ATRNL1: variants seen among roughly 807,000 people sequenced by gnomAD.
ATRNL1 encodes the protein attractin-like protein 1.
Under a neutral mutation model 182.7 loss-of-function variants are expected in ATRNL1, and 95 were observed. That is an observed-to-expected ratio of 0.52 (90% confidence interval 0.44 to 0.62). The LOEUF is 0.62. Ranked by LOEUF, ATRNL1 falls within the 20% of genes least tolerant of loss-of-function variation. The pLI is 0.00. For missense variants in ATRNL1, 1,471 were observed against 1,679.5 expected (o/e 0.88, Z 2.17); for synonymous variants, 576 against 568.3 (o/e 1.01, Z -0.19).
intron 27 of ATRNL1, among the ~76,000 whole-genome samples, chr10:115,728,472 T>A (rs1221453646): frequency 3.9e-5 from 6 of 152,074 alleles, no homozygotes; most frequent in African/African-American, 1.4e-4. Context: ...AATTGAAACA[T>A]TTTATTCTCT....
At chr10:115,823,749 G>A (rs923709135) in intron 27 of ATRNL1, among the ~76,000 whole-genome samples, 1 of 151,996 alleles carries the variant, frequency 6.6e-6, no homozygotes, top group Non-Finnish European at 1.5e-5. Flanking sequence ...CAAGGAGAAC[G>A]ACAAACCACT....
At chr10:115,126,224 A>AT (rs1204324750) in intron 3 of ATRNL1, among the ~76,000 whole-genome samples, 3 of 151,954 alleles carry the variant, frequency 2.0e-5, no homozygotes, top group Non-Finnish European at 2.9e-5. Context: ...TGCCCACCTG[A>AT]TTTTTTTGTA....
chr10:115,407,433 A>G (rs555267444), intron 20 of ATRNL1, among the ~76,000 whole-genome samples: 61 of 151,830 alleles, frequency 4.0e-4, no homozygotes, highest in African/African-American at 1.4e-3. Flanking sequence ...TTTTACTTCT[A>G]TGAGATCAAC....
intron 10 of ATRNL1, among the ~76,000 whole-genome samples, chr10:115,246,456 C>T (rs571615539): frequency 6.6e-6 from 1 of 152,090 alleles, no homozygotes; most frequent in Non-Finnish European, 1.5e-5. Flanking sequence ...TTCACTCTAC[C>T]TGTCCCCCTC....
intron 28 of ATRNL1, among the ~76,000 whole-genome samples, chr10:115,894,201 A>G (rs566292661): frequency 1.3e-5 from 2 of 152,278 alleles, no homozygotes; most frequent in South Asian, 2.1e-4. Context: ...ACTGTCCACA[A>G]AGTGGTTGGA....
In ATRNL1 at chr10:115,236,972, A is replaced by G. The variant is rs184131071; in HGVS notation, c.1533-4599A>G. ...CTGTCTCCATACTTTTGCCTTTTCTAGAATGTCATAAAGCTGGAATCATGT... is the reference window on the plus strand; with the variant it reads ...CTGTCTCCATACTTTTGCCTTTTCTGGAATGTCATAAAGCTGGAATCATGT... On this transcript the variant is annotated intron_variant, in intron 9 of 28. Coordinates refer to ENST00000355044, the MANE Select transcript of ATRNL1 (RefSeq NM_207303.4). 3.5e-3 allele frequency among the ~76,000 whole-genome samples: 532 copies of G among 152,294 alleles called. 1 individual carries two copies. Among genetic ancestry groups the G allele is most frequent in the Non-Finnish European group, 5.7e-3 (389 of 68,012 alleles).
intron 24 of ATRNL1, among the ~76,000 whole-genome samples, chr10:115,491,434 G>GA (rs1327793636): frequency 1.3e-5 from 2 of 151,030 alleles, no homozygotes; most frequent in Admixed American, 1.3e-4. Flanking sequence ...TTTTTTCAGA[G>GA]ATGTCCTGCA....
At chr10:115,619,935 A>G (rs1244632821) in intron 26 of ATRNL1, among the ~76,000 whole-genome samples, 1 of 152,324 alleles carries the variant, frequency 6.6e-6, no homozygotes, top group Admixed American at 6.5e-5. Context: ...GGTTAAATGT[A>G]TTGGTATTTT....
At chr10:115,574,327 T>C (rs1472796845) in intron 26 of ATRNL1, among the ~76,000 whole-genome samples, 3 of 142,408 alleles carry the variant, frequency 2.1e-5, no homozygotes, top group Non-Finnish European at 4.6e-5. Context: ...AGTAGTTTTG[T>C]ATATATAAAA....
intron 24 of ATRNL1, among the ~76,000 whole-genome samples, chr10:115,516,851 G>T (rs1850665160): frequency 6.6e-6 from 1 of 151,752 alleles, no homozygotes; most frequent in Non-Finnish European, 1.5e-5. Context: ...GAGGCCAGCA[G>T]CTCTAACCAC....
intron 27 of ATRNL1, among the ~76,000 whole-genome samples, chr10:115,814,997 A>C (rs1950128373): frequency 6.6e-6 from 1 of 152,194 alleles, no homozygotes; most frequent in South Asian, 2.1e-4. Context: ...AGTTTCAGGT[A>C]ACATACCTGA....
chr10:115,666,987 C>T (rs1411503127), intron 26 of ATRNL1, among the ~76,000 whole-genome samples: 2 of 152,154 alleles, frequency 1.3e-5, no homozygotes, highest in African/African-American at 4.8e-5. Flanking sequence ...ATCTCAAATA[C>T]ATGCAGTTTA....
intron 24 of ATRNL1, among the ~76,000 whole-genome samples, chr10:115,498,762 T>A (rs2133621370): frequency 6.6e-6 from 1 of 152,008 alleles, no homozygotes; most frequent in East Asian, 1.9e-4. Flanking sequence ...ATAATGCAAA[T>A]GTTTTATTAC....
intron 19 of ATRNL1, among the ~76,000 whole-genome samples, chr10:115,371,286 T>G (rs1857381252): frequency 1.3e-5 from 2 of 152,024 alleles, no homozygotes; most frequent in South Asian, 4.1e-4. Flanking sequence ...AGTGGAGCTG[T>G]GAGAAGAGCC....
intron 27 of ATRNL1, among the ~76,000 whole-genome samples, chr10:115,830,657 G>A (rs1457181452): frequency 6.6e-6 from 1 of 152,288 alleles, no homozygotes; most frequent in East Asian, 1.9e-4. Flanking sequence ...AATAAAAGGT[G>A]CAGAGGTGTG....
Position 115,625,619 on chromosome 10 carries a change from T to C in ATRNL1, c.3795+76083T>C, listed in dbSNP as rs116418523. 5.1e-3 allele frequency among the ~76,000 whole-genome samples: 783 copies of C among 152,286 alleles called. 14 individuals are homozygous for C. Among genetic ancestry groups the C allele is most frequent in the African/African-American group, 0.018 (754 of 41,584 alleles). ...TTCTAGAAACACCTTTGCAGGTGTT[T>C]TATCTGTACATAAATACAGAAAAAT... On this transcript the variant is annotated intron_variant, in intron 26 of 28. Coordinates refer to ENST00000355044, the MANE Select transcript of ATRNL1 (RefSeq NM_207303.4).
At chr10:115,594,569 C>T (rs920416314) in intron 26 of ATRNL1, among the ~76,000 whole-genome samples, 30 of 152,170 alleles carry the variant, frequency 2.0e-4, no homozygotes, top group African/African-American at 6.8e-4. Context: ...TGCAGTGGCG[C>T]GATCGTGGCT....
intron 4 of ATRNL1, chr10:115,128,455 T>C: frequency 1.2e-6 from 1 of 811,016 alleles, no homozygotes; most frequent in South Asian, 5.7e-5. Context: ...ATATTATAAA[T>C]ATCCTTGAAT....
intron 20 of ATRNL1, among the ~76,000 whole-genome samples, chr10:115,404,630 T>A (rs1198655149): frequency 6.6e-6 from 1 of 152,172 alleles, no homozygotes; most frequent in Non-Finnish European, 1.5e-5. Flanking sequence ...CTTCCATGAG[T>A]AATTAGTATT....
Sources: gnomAD v4.1 joint callset for allele counts (sites outside exome capture counted in the v4.1 genomes callset) on GRCh38, gnomAD v4.1.1 for gene constraint, MANE v1.5 for transcripts, NCBI Gene and HGNC (gene_info 2026-07-23, HGNC 2026-07-21) for gene names.